ACVR1: variants seen among roughly 807,000 people sequenced by gnomAD.
The protein encoded by ACVR1 is activin A receptor type 1.
In ACVR1, 38 loss-of-function variants were observed where a neutral mutation model predicts 57.1. The ratio of observed to expected loss-of-function variants is 0.67; its 90% CI spans 0.51 to 0.87. ACVR1 has a LOEUF of 0.87. Among genes scored for constraint, ACVR1 ranks in the 40% least tolerant of loss-of-function variants. The pLI is 0.00. For synonymous variants in ACVR1, 212 were observed against 228.1 expected, an observed-to-expected ratio of 0.93 and a Z score of 0.63; for missense variants, 463 against 638.2, an observed-to-expected ratio of 0.73 and a Z score of 2.96.
chr2:157,786,301 T>A (rs773675745), intron 3 of ACVR1, among the ~76,000 whole-genome samples: 1 of 152,212 alleles, frequency 6.6e-6, no homozygotes, highest in Non-Finnish European at 1.5e-5. Context: ...TTGCTCACCG[T>A]TCATTACATA....
Position 157,837,917 on chromosome 2 carries a change from T to C in ACVR1, c.-182-19358A>G, listed in dbSNP as rs148075412. 1.4e-3 allele frequency among the ~76,000 whole-genome samples: 219 copies of C among 152,324 alleles called. 1 individual carries two copies. Among genetic ancestry groups the C allele is most frequent in the Non-Finnish European group, 2.0e-3 (136 of 68,030 alleles). On this transcript the variant is annotated intron_variant, in intron 1 of 10. Coordinates refer to ENST00000434821, the MANE Select transcript of ACVR1 (RefSeq NM_001111067.4). ...GCCCCTCTTTGCAGCTGTTGTCTCC[T>C]GCAGTTGGCACGAAGCGTTGCCAGT...
chr2:157,810,622 G>A (rs934196312), intron 2 of ACVR1, among the ~76,000 whole-genome samples: 3 of 152,124 alleles, frequency 2.0e-5, no homozygotes, highest in Non-Finnish European at 2.9e-5. Context: ...GCAGTGGGGG[G>A]CCTAAGCACA....
intron 5 of ACVR1, among the ~76,000 whole-genome samples, chr2:157,776,656 A>C (rs1455756120): frequency 6.6e-6 from 1 of 152,188 alleles, no homozygotes; most frequent in Admixed American, 6.5e-5. Context: ...GATGTTTCCC[A>C]GCCCATATCA....
At chr2:157,860,986 C>G (rs1411701917) in intron 1 of ACVR1, among the ~76,000 whole-genome samples, 1 of 152,186 alleles carries the variant, frequency 6.6e-6, no homozygotes, top group Non-Finnish European at 1.5e-5. Context: ...CGCTGAGTAG[C>G]AAGGTTCTAG....
At chr2:157,824,246 T>C (rs898643828) in intron 1 of ACVR1, among the ~76,000 whole-genome samples, 1 of 151,980 alleles carries the variant, frequency 6.6e-6, no homozygotes, top group Non-Finnish European at 1.5e-5. Flanking sequence ...GATAGGAGGA[T>C]TGCTTGAGCC....
intron 1 of ACVR1, among the ~76,000 whole-genome samples, chr2:157,866,008 C>A (rs941429429): frequency 7.2e-5 from 11 of 152,172 alleles, no homozygotes; most frequent in African/African-American, 2.6e-4. Flanking sequence ...TACTTCAAAT[C>A]TTGTATTGTG....
At chr2:157,829,952 C>T (rs544150720) in intron 1 of ACVR1, among the ~76,000 whole-genome samples, 42 of 152,206 alleles carry the variant, frequency 2.8e-4, no homozygotes, top group Non-Finnish European at 5.6e-4. Flanking sequence ...CAGTGGCTCA[C>T]GCCTGTAATC....
intron 3 of ACVR1, 123 bp downstream of exon 3, chr2:157,799,304 C>T: frequency 1.5e-6 from 1 of 685,358 alleles, no homozygotes; most frequent in Non-Finnish European, 2.6e-6. Context: ...AGTCAATAAT[C>T]ACCAAATATT....
At position 157,875,922 on chromosome 2, in the gene ACVR1, C is replaced by G. The variant is rs1427137194; in HGVS notation, c.-309G>C. ...GGGCGGTGCAGCCGGCGAGGGAGCC[C>G]GGAACTCTGCGGGGCCGGGAGCCGG... On this transcript the variant is annotated 5_prime_UTR_variant, in exon 1 of 11. Transcript: ENST00000434821. 6.8e-6 allele frequency: 1 copy of G among 147,410 alleles called. No individual in the cohort carries two copies. Among genetic ancestry groups the G allele is most frequent in the East Asian group, 2.0e-4 (1 of 5,016 alleles). 9.1% of individuals were successfully genotyped at this position (147,410 alleles called of 1,614,324 possible).
chr2:157,755,181 T>C (rs1464827226), intron 9 of ACVR1, among the ~76,000 whole-genome samples: 1 of 152,128 alleles, frequency 6.6e-6, no homozygotes, highest in East Asian at 1.9e-4. Context: ...GTTGAAAGCA[T>C]TCCCTCTGAG....
chr2:157,757,073 A>C (rs1685467992), intron 9 of ACVR1, among the ~76,000 whole-genome samples: 1 of 147,182 alleles, frequency 6.8e-6, no homozygotes, highest in South Asian at 2.1e-4. Flanking sequence ...CCATAAAAAG[A>C]ATGAATTAAT....
At chr2:157,811,909 T>C (rs1208247735) in intron 2 of ACVR1, among the ~76,000 whole-genome samples, 2 of 152,220 alleles carry the variant, frequency 1.3e-5, no homozygotes, top group East Asian at 1.9e-4. Context: ...GAATACTGTG[T>C]GTATAATGTG....
chr2:157,782,576 G>C (rs1448472298), intron 3 of ACVR1, among the ~76,000 whole-genome samples: 2 of 152,198 alleles, frequency 1.3e-5, no homozygotes, highest in African/African-American at 4.8e-5. Flanking sequence ...CTTGCCAAAA[G>C]AGAGCTGAAG....
At chr2:157,787,485 A>G (rs747762747) in intron 3 of ACVR1, among the ~76,000 whole-genome samples, 7 of 152,208 alleles carry the variant, frequency 4.6e-5, no homozygotes, top group Admixed American at 2.0e-4. Context: ...GTCTAAGTGG[A>G]GCTCTAGTTA....
intron 7 of ACVR1, 143 bp downstream of exon 7, chr2:157,770,225 T>G: frequency 1.2e-6 from 1 of 846,684 alleles, no homozygotes; most frequent in African/African-American, 1.7e-5. Context: ...TTGAGAAAAT[T>G]AAACAGCATA....
At chr2:157,769,966 C>T (rs1202478420) in intron 7 of ACVR1, among the ~76,000 whole-genome samples, 2 of 152,156 alleles carry the variant, frequency 1.3e-5, no homozygotes, top group Non-Finnish European at 2.9e-5. Context: ...ATTACGATAT[C>T]CCTGGGAGCT....
chr2:157,828,336 G>A (rs763296071), intron 1 of ACVR1, among the ~76,000 whole-genome samples: 6 of 151,106 alleles, frequency 4.0e-5, no homozygotes, highest in Non-Finnish European at 7.4e-5. Flanking sequence ...TGTAATCCCA[G>A]CTACTCGGGA....
At chr2:157,871,796 T>G (rs1363803306) in intron 1 of ACVR1, among the ~76,000 whole-genome samples, 2 of 152,190 alleles carry the variant, frequency 1.3e-5, no homozygotes, top group African/African-American at 4.8e-5. Context: ...GAGGGTGTAT[T>G]TGTGTTAACT....
chr2:157,803,070 A>G (rs768334640), intron 2 of ACVR1, among the ~76,000 whole-genome samples: 42 of 152,136 alleles, frequency 2.8e-4, no homozygotes, highest in Non-Finnish European at 5.6e-4. Flanking sequence ...AGCTCAAGTA[A>G]TAGTAAAAGT....
Sources: allele counts gnomAD v4.1 joint callset (sites outside exome capture counted in the v4.1 genomes callset), GRCh38; gene constraint gnomAD v4.1.1; transcripts MANE v1.5; gene names NCBI Gene and HGNC (gene_info 2026-07-23, HGNC 2026-07-21).